The following MAPK8IP3 variants were observed in gnomAD, a reference collection of about 807,000 sequenced individuals.
MAPK8IP3 encodes C-Jun-amino-terminal kinase-interacting protein 3.
A neutral mutation model predicts 157.8 loss-of-function variants in MAPK8IP3; 49 were observed. That is an observed-to-expected ratio of 0.31 (90% CI 0.25 to 0.39). The LOEUF (loss-of-function observed/expected upper bound fraction) is 0.39, where lower values mean the gene tolerates loss of function less well. Ranked by LOEUF, MAPK8IP3 falls within the 10% of genes least tolerant of loss-of-function variation. The pLI, the probability that MAPK8IP3 is intolerant of heterozygous loss-of-function variation, is 1.00. For synonymous variants in MAPK8IP3, 897 were observed against 777.7 expected (o/e 1.15, Z -2.55); for missense variants, 1,478 against 1,889.4 (o/e 0.78, Z 4.04).
Position 1,769,102 on chromosome 16 carries a change from A to G in MAPK8IP3, c.*278A>G. On this transcript the variant is annotated 3_prime_UTR_variant, in exon 32 of 32. Transcript: ENST00000610761. The stretch of plus-strand genomic sequence containing the variant: ...CTTCCAGCCCAGAGTCCTCAAGTCC[A>G]GGGCACCTTGGGCCCAGCGCAGGCA... 2.0e-6 allele frequency: 1 copy of G among 488,974 alleles called. No individual in the cohort carries two copies. 30.3% of individuals were successfully genotyped at this position (488,974 alleles called of 1,614,324 possible). A position where few individuals can be genotyped will look rare whatever the true frequency, so the allele number is the denominator to read the frequency against.
At chr16:1,729,459 G>T in intron 3 of MAPK8IP3, 28 bp from the exon 4 acceptor site, 2 of 1,596,030 alleles carry the variant, frequency 1.3e-6, no homozygotes, top group Non-Finnish European at 1.7e-6. Context: ...CCACGGCAGC[G>T]CTAATGCAGG....
chr16:1,713,163 G>A (rs1596539630), intron 1 of MAPK8IP3, among the ~76,000 whole-genome samples: 1 of 152,326 alleles, frequency 6.6e-6, no homozygotes, highest in African/African-American at 2.4e-5. Flanking sequence ...GTTGTATTTG[G>A]TGCTGTCCAC....
rs924855948 is a variant in MAPK8IP3 at position 1,745,159 on chromosome 16, C to G, written c.747+1683C>G. 3 of 985,210 alleles carry G rather than the reference C, an allele frequency of 3.0e-6. No individual in the cohort carries two copies. The African/African-American group carries it at 5.2e-5, about 17-fold the overall frequency. 61.0% of individuals were successfully genotyped at this position (985,210 alleles called of 1,614,324 possible). ...GGTAAGTGGTGGCCCTGTAGGGTGA[C>G]GGAGAGCTAGGGGAGGCGCAATCAG... On this transcript the variant is annotated intron_variant, in intron 5 of 31. Transcript: ENST00000610761.
At chr16:1,752,932 T>C (rs760765632) in intron 8 of MAPK8IP3, among the ~76,000 whole-genome samples, 50 of 152,222 alleles carry the variant, frequency 3.3e-4, no homozygotes, top group Non-Finnish European at 6.0e-4. Context: ...ACTCGCCCCA[T>C]GTCCAGCTCA....
rs1383102536 is a variant in MAPK8IP3 at position 1,768,504 on chromosome 16, G to A, written c.3770G>A (p.Ser1257Asn). Reference sequence around the variant, plus strand: ...AACGTGCTGGCCACCCTGAATGGGAGTGTGCTGGACAGCCCAGCCGAGGGC... The same window carrying A: ...AACGTGCTGGCCACCCTGAATGGGAATGTGCTGGACAGCCCAGCCGAGGGC... ...PGNVLATLNG[S>N]VLDSPAEGPG... Residue 1257 changes from serine to asparagine, a missense_variant, in exon 31 of 32, where the codon AGT becomes AAT. Physicochemically the swap from Ser to Asn is conservative, Grantham distance 46. Around this residue, in one of 11 missense-constraint regions of MAPK8IP3, gnomAD observed 133 missense variants for 133.4 expected, o/e 1.00. Coordinates refer to ENST00000610761, the MANE Select transcript of MAPK8IP3 (RefSeq NM_001318852.2). 1 of 1,557,284 alleles carries A rather than the reference G, an allele frequency of 6.4e-7. No homozygotes were observed. Among genetic ancestry groups the A allele is most frequent in the Non-Finnish European group, 8.7e-7 (1 of 1,154,004 alleles).
At chr16:1,730,532 G>A (rs1464290994) in intron 4 of MAPK8IP3, among the ~76,000 whole-genome samples, 2 of 152,166 alleles carry the variant, frequency 1.3e-5, no homozygotes, top group East Asian at 1.9e-4. Flanking sequence ...GAGATCAGGA[G>A]ATCAAGACCA....
Position 1,762,743 on chromosome 16 carries a change from G to T in MAPK8IP3, c.1727+12G>T, listed in dbSNP as rs900268458. The T allele has an allele frequency of 2.3e-5, 36 of 1,580,686 alleles. No individual in the cohort carries two copies. Among genetic ancestry groups the T allele is most frequent in the Non-Finnish European group, 2.8e-5 (33 of 1,161,234 alleles). ...ACCATCTGGCAGTTGTAAGCTGGGG[G>T]CCCCTGGGGGATGTGGGCAGCAGCT... On this transcript the variant is annotated intron_variant, in intron 15 of 31. Coordinates refer to ENST00000610761, the MANE Select transcript of MAPK8IP3 (RefSeq NM_001318852.2).
chr16:1,734,226 G>A (rs1377182200), intron 4 of MAPK8IP3, among the ~76,000 whole-genome samples: 2 of 152,262 alleles, frequency 1.3e-5, no homozygotes, highest in Admixed American at 6.5e-5. Flanking sequence ...TGGGGCTGGC[G>A]GCCCTGTCTC....
intron 4 of MAPK8IP3, among the ~76,000 whole-genome samples, chr16:1,739,826 C>T (rs2040522242): frequency 9.7e-6 from 1 of 103,614 alleles, no homozygotes; most frequent in Non-Finnish European, 1.9e-5. Flanking sequence ...GTGTGAGCAT[C>T]CGTGTGACCG....
Position 1,761,261 on chromosome 16 carries a change from AAAG to A in MAPK8IP3, c.1500_1502del (p.Glu501del), listed in dbSNP as rs2041918309. On this transcript the variant is annotated inframe_deletion, in exon 13 of 32. Coordinates refer to ENST00000610761, the MANE Select transcript of MAPK8IP3 (RefSeq NM_001318852.2). ...GGCCATCATCGCCCGCCGTGAACCC[AAAG>A]AAGAGGCGGAGGATGTAAGCAGCTA... 6 of 1,613,690 alleles carry A rather than the reference AAAG, an allele frequency of 3.7e-6. No individual in the cohort carries two copies. The highest frequency in any genetic ancestry group is 1.7e-5 in the Admixed American group (1 of 60,004).
chr16:1,738,320 GCATCCGTGAGCGTGTGAC>G (rs2040230156), intron 4 of MAPK8IP3, among the ~76,000 whole-genome samples: 1 of 95,090 alleles, frequency 1.1e-5, no homozygotes, highest in African/African-American at 4.4e-5. Context: ...GTCCGTGTGA[GCATCCGTGAGCGTGTGAC>G]CGTCCGTGTG....
chr16:1,709,377 C>G (rs1278211600), intron 1 of MAPK8IP3, among the ~76,000 whole-genome samples: 1 of 152,236 alleles, frequency 6.6e-6, no homozygotes, highest in African/African-American at 2.4e-5. Flanking sequence ...CATCCTCTTC[C>G]CCTCGCTGGG....
intron 2 of MAPK8IP3, among the ~76,000 whole-genome samples, chr16:1,727,247 G>A (rs2038945683): frequency 7.2e-6 from 1 of 138,296 alleles, no homozygotes; most frequent in Non-Finnish European, 1.5e-5. Flanking sequence ...GTGCGGGTCT[G>A]TGTGACTCTG....
chr16:1,761,855 TATTCACACTCGGGGCATGGGG>T (rs1270604929), intron 13 of MAPK8IP3, among the ~76,000 whole-genome samples: 1 of 152,244 alleles, frequency 6.6e-6, no homozygotes, highest in Non-Finnish European at 1.5e-5. Context: ...TATATCCTAC[TATTCACACTCGGGGCATGGGG>T]ATGCGGGGTG....
chr16:1,765,943 G>A lies in MAPK8IP3; in HGVS notation c.2447-17G>A, dbSNP rs779345319. On this transcript the variant is annotated splice_polypyrimidine_tract_variant and intron_variant, in intron 20 of 31. Coordinates refer to ENST00000610761, the MANE Select transcript of MAPK8IP3 (RefSeq NM_001318852.2). ...TGGGTTCCCCCGCACAGGCTGACGG[G>A]CCGTCCCTCTCCCCAGCGGCCAGCG... 2.5e-6 allele frequency: 4 copies of A among 1,601,002 alleles called. No individual in the cohort carries two copies. The highest frequency in any genetic ancestry group is 2.6e-6 in the Non-Finnish European group (3 of 1,172,818).
In MAPK8IP3 at chr16:1,743,458, G is replaced by A; in HGVS notation, c.729G>A (p.Gln243=). The part of the protein sequence containing the change: ...HWHLSDLGQL[Q]SSSSYQCPQD... ...ACCTGAGTGACCTCGGCCAGCTGCA[G>A]TCCAGCTCCAGCTACCAGGTTTTGT... Residue 243 remains glutamine, a synonymous_variant, in exon 5 of 32, where the codon CAG becomes CAA. Coordinates refer to ENST00000610761, the MANE Select transcript of MAPK8IP3 (RefSeq NM_001318852.2). The surrounding 1 kb of genome is among the most constrained non-coding windows in gnomAD (Gnocchi z 5.6). The A allele has an allele frequency of 6.2e-7, 1 of 1,610,098 alleles. No individual in the cohort carries two copies. Among genetic ancestry groups the A allele is most frequent in the East Asian group, 2.2e-5 (1 of 44,648 alleles).
At chr16:1,740,652 GCTGTCGCTGCCGTGTGCTGCCGTGT>G (rs1298235442) in intron 4 of MAPK8IP3, among the ~76,000 whole-genome samples, 3 of 152,358 alleles carry the variant, frequency 2.0e-5, no homozygotes, top group South Asian at 2.1e-4. Context: ...TGCCCTCTGT[GCTGTCGCTGCCGTGTGCTGCCGTGT>G]CTGTCGCTGC....
In MAPK8IP3 at chr16:1,735,337, C is replaced by T. The variant is rs552957482; in HGVS notation, c.602+5759C>T. ...TTCCGTGTGTGTCCATGTGAGTGAG[C>T]GTCCATGTGAGCGTGTGAGCGTCCA... On this transcript the variant is annotated intron_variant, in intron 4 of 31. Coordinates refer to ENST00000610761, the MANE Select transcript of MAPK8IP3 (RefSeq NM_001318852.2). Among the ~76,000 whole-genome samples the T allele has an allele frequency of 2.2e-3, 327 of 150,672 alleles. 1 individual carries two copies. Among genetic ancestry groups the T allele is most frequent in the African/African-American group, 6.9e-3 (281 of 40,916 alleles).
intron 4 of MAPK8IP3, among the ~76,000 whole-genome samples, chr16:1,738,530 GTGAC>G (rs1403033051): frequency 7.2e-6 from 1 of 138,946 alleles, no homozygotes; most frequent in Non-Finnish European, 1.5e-5. Flanking sequence ...GAGCATCTGT[GTGAC>G]TGTCCGTGTG....
Sources: gnomAD v4.1 joint callset for allele counts (sites outside exome capture counted in the v4.1 genomes callset) on GRCh38, gnomAD v4.1.1 for gene constraint, gnomAD v4.1.1 regional missense constraint, Gnocchi (gnomAD v3.1) non-coding constraint, MANE v1.5 for transcripts, NCBI Gene and HGNC (gene_info 2026-07-23, HGNC 2026-07-21) for gene names.